MOB3B: variants seen among roughly 807,000 people sequenced by gnomAD.
MOB3B encodes MOB kinase activator 3B, also known as MOB kinase activator-like 2B.
MOB3B carries 7 observed loss-of-function variants against 18.7 expected under a neutral mutation model. The observed-to-expected ratio is 0.37, with a 90% CI of 0.21 to 0.70. The LOEUF (loss-of-function observed/expected upper bound fraction) is 0.70, where lower values mean the gene tolerates loss of function less well. Ranked by LOEUF, MOB3B falls within the 30% of genes least tolerant of loss-of-function variation. The probability of loss-of-function intolerance (pLI) is 0.52; values close to 1 mark genes in which losing one functional copy is unlikely to be tolerated. For missense variants in MOB3B, 253 were observed against 281.3 expected, an observed-to-expected ratio of 0.90 and a Z score of 0.72; for synonymous variants, 111 against 99.9, an observed-to-expected ratio of 1.11 and a Z score of -0.66.
At chr9:27,457,622 C>G (rs943200563) in intron 1 of MOB3B, among the ~76,000 whole-genome samples, 3 of 152,206 alleles carry the variant, frequency 2.0e-5, no homozygotes, top group Admixed American at 6.5e-5. Flanking sequence ...TCTGCCTGCT[C>G]ACTTCCTCCC....
intron 1 of MOB3B, among the ~76,000 whole-genome samples, chr9:27,472,877 C>T (rs1819494619): frequency 1.3e-5 from 2 of 152,238 alleles, no homozygotes; most frequent in African/African-American, 4.8e-5. Flanking sequence ...CTGAAAAATA[C>T]AGAGTTCCGC....
chr9:27,392,610 A>G (rs1458087039), intron 2 of MOB3B, among the ~76,000 whole-genome samples: 1 of 152,230 alleles, frequency 6.6e-6, no homozygotes. Flanking sequence ...AATCCTTTAC[A>G]TGAACAACTG....
intron 1 of MOB3B, among the ~76,000 whole-genome samples, chr9:27,523,236 C>T (rs934127076): frequency 6.6e-6 from 1 of 151,856 alleles, no homozygotes; most frequent in African/African-American, 2.4e-5. Flanking sequence ...GTTATTTGGT[C>T]AAACAAAGTA....
chr9:27,359,353 A>T, intron 2 of MOB3B, 117 bp from the exon 3 acceptor site: 1 of 535,340 alleles, frequency 1.9e-6, no homozygotes, highest in Non-Finnish European at 3.2e-6. Flanking sequence ...CACCCGTCAC[A>T]GGAGTCATAG....
intron 2 of MOB3B, chr9:27,391,874 T>C (rs2131383158): frequency 6.6e-6 from 1 of 152,368 alleles, no homozygotes. Flanking sequence ...GCAAATAAGA[T>C]GATTCTGCTC....
chr9:27,442,248 A>C (rs1822605683), intron 2 of MOB3B, among the ~76,000 whole-genome samples: 1 of 152,212 alleles, frequency 6.6e-6, no homozygotes, highest in Non-Finnish European at 1.5e-5. Context: ...ATTTTTAAGA[A>C]TATGAAGGGG....
intron 1 of MOB3B, among the ~76,000 whole-genome samples, chr9:27,466,563 T>A (rs945429713): frequency 6.6e-6 from 1 of 152,182 alleles, no homozygotes; most frequent in Admixed American, 6.5e-5. Flanking sequence ...TCCATTTTCA[T>A]GCTGCTGATA....
chr9:27,369,936 CTTTTTTTTT>C (rs59186320), intron 2 of MOB3B, among the ~76,000 whole-genome samples: 2 of 125,952 alleles, frequency 1.6e-5, no homozygotes, highest in Non-Finnish European at 1.7e-5. Context: ...TTTAATTGTC[CTTTTTTTTT>C]TTTTTTTTTT....
intron 1 of MOB3B, among the ~76,000 whole-genome samples, chr9:27,528,705 C>T (rs1321601378): frequency 6.6e-6 from 1 of 152,078 alleles, no homozygotes. Flanking sequence ...AAAGGCCATT[C>T]GCCACGATCT....
chr9:27,363,404 G>A (rs1821302160), intron 2 of MOB3B, among the ~76,000 whole-genome samples: 1 of 152,002 alleles, frequency 6.6e-6, no homozygotes. Context: ...AAGTAGCTGG[G>A]ACTACAGGCG....
At chr9:27,524,468 T>C (rs1455456665) in intron 1 of MOB3B, 1 of 1,613,962 alleles carries the variant, frequency 6.2e-7, no homozygotes, top group Non-Finnish European at 8.5e-7. Context: ...CCTGGCAAAA[T>C]CTGAGACATC....
intron 2 of MOB3B, among the ~76,000 whole-genome samples, chr9:27,400,875 C>A (rs1370999630): frequency 6.6e-6 from 1 of 152,216 alleles, no homozygotes; most frequent in Non-Finnish European, 1.5e-5. Flanking sequence ...AAATATCTAG[C>A]TTAGGCTTCT....
chr9:27,451,857 GA>G (rs1822789785), intron 2 of MOB3B, among the ~76,000 whole-genome samples: 1 of 152,158 alleles, frequency 6.6e-6, no homozygotes, highest in South Asian at 2.1e-4. Context: ...TCAGGAGAAG[GA>G]AAAAGAGGAG....
At chr9:27,357,820 G>A (rs1371286297) in intron 3 of MOB3B, among the ~76,000 whole-genome samples, 1 of 144,182 alleles carries the variant, frequency 6.9e-6, no homozygotes, top group East Asian at 2.1e-4. Context: ...GGGAGAACAA[G>A]GGTGGAGAAT....
intron 2 of MOB3B, among the ~76,000 whole-genome samples, chr9:27,401,487 G>C (rs1050882339): frequency 6.6e-5 from 10 of 152,128 alleles, no homozygotes; most frequent in East Asian, 5.8e-4. Context: ...ACAGACAAAG[G>C]CACCCTCATC....
intron 2 of MOB3B, among the ~76,000 whole-genome samples, chr9:27,363,229 C>A (rs1821299075): frequency 6.6e-6 from 1 of 152,018 alleles, no homozygotes; most frequent in Non-Finnish European, 1.5e-5. Flanking sequence ...CCAGTGACAC[C>A]CTGAGTAGTG....
At chr9:27,510,891 C>T (rs1231893661) in intron 1 of MOB3B, among the ~76,000 whole-genome samples, 1 of 152,222 alleles carries the variant, frequency 6.6e-6, no homozygotes, top group African/African-American at 2.4e-5. Flanking sequence ...AGGTCCCTGG[C>T]TCTTGCCTCT....
At chr9:27,472,352 A>G (rs1819485153) in intron 1 of MOB3B, among the ~76,000 whole-genome samples, 1 of 152,096 alleles carries the variant, frequency 6.6e-6, no homozygotes, top group South Asian at 2.1e-4. Flanking sequence ...GTACTCCTCA[A>G]GCAAAGCCAT....
chr9:27,455,875 G>A (rs1822861594), intron 1 of MOB3B, 127 bp from the exon 2 acceptor site: 1 of 955,528 alleles, frequency 1.0e-6, no homozygotes, highest in South Asian at 2.0e-5. Flanking sequence ...TATGGGCATG[G>A]GGGTTAAGCC....
Sources: gnomAD v4.1 joint callset for allele counts (sites outside exome capture counted in the v4.1 genomes callset) on GRCh38, gnomAD v4.1.1 for gene constraint, MANE v1.5 for transcripts, NCBI Gene and HGNC (gene_info 2026-07-23, HGNC 2026-07-21) for gene names.